Variants in CEP135 observed in about 807,000 individuals in gnomAD.
CEP135 encodes the protein centrosomal protein of 135 kDa.
A neutral mutation model predicts 157.3 loss-of-function variants in CEP135; 142 were observed. The observed-to-expected ratio is 0.90, with a 90% confidence interval of 0.79 to 1.04. The LOEUF (loss-of-function observed/expected upper bound fraction) is 1.04, where lower values mean the gene tolerates loss of function less well. Ranked by LOEUF, CEP135 falls within the 50% of genes least tolerant of loss-of-function variation. The pLI, the probability that CEP135 is intolerant of heterozygous loss-of-function variation, is 0.00. For synonymous variants in CEP135, 396 were observed against 439.8 expected (o/e 0.90, Z 1.25); for missense variants, 1,317 against 1,309.2 (o/e 1.01, Z -0.09).
chr4:56,019,922 G>A (rs1323240902), intron 23 of CEP135, among the ~76,000 whole-genome samples: 1 of 152,210 alleles, frequency 6.6e-6, no homozygotes, highest in Admixed American at 6.5e-5. Context: ...CTGGGCGACA[G>A]AGCGAGACGC....
At chr4:55,986,995 T>G (rs1447807289) in intron 14 of CEP135, among the ~76,000 whole-genome samples, 2 of 152,240 alleles carry the variant, frequency 1.3e-5, no homozygotes, top group Non-Finnish European at 2.9e-5. Context: ...TGCTAGATAG[T>G]TTGTATTACT....
chr4:55,969,446 AAAG>A lies in CEP135; in HGVS notation c.1110+321_1110+323del, dbSNP rs1419313651. ...CCATCTTTAAAAAAAAAAAAAAAAA[AAAG>A]AAAAGAAAATTTGTATGCTTTGTTT... On this transcript the variant is annotated intron_variant, in intron 9 of 25. Coordinates refer to ENST00000257287, the MANE Select transcript of CEP135 (RefSeq NM_025009.5). 3.3e-5 allele frequency among the ~76,000 whole-genome samples: 5 copies of A among 151,620 alleles called. No homozygotes were observed. The South Asian group carries it at 1.0e-3, about 31-fold the overall frequency.
chr4:56,017,113 A>T (rs1465937713), intron 21 of CEP135, among the ~76,000 whole-genome samples: 1 of 152,168 alleles, frequency 6.6e-6, no homozygotes, highest in Non-Finnish European at 1.5e-5. Flanking sequence ...AGAAAAAAAA[A>T]TTTATCATTA....
chr4:56,018,287 T>C (rs1180150504), intron 22 of CEP135, among the ~76,000 whole-genome samples: 1 of 152,148 alleles, frequency 6.6e-6, no homozygotes, highest in East Asian at 1.9e-4. Flanking sequence ...CCTACAATAG[T>C]TACTTTTGAC....
At chr4:55,985,740 A>G (rs1729559884) in intron 14 of CEP135, among the ~76,000 whole-genome samples, 1 of 152,148 alleles carries the variant, frequency 6.6e-6, no homozygotes, top group South Asian at 2.1e-4. Context: ...GGATTACAGC[A>G]TGAGCCACCA....
intron 15 of CEP135, among the ~76,000 whole-genome samples, chr4:55,993,654 C>T (rs1045985575): frequency 1.3e-5 from 2 of 152,174 alleles, no homozygotes; most frequent in East Asian, 3.8e-4. Flanking sequence ...TTGTCACTTT[C>T]GTGTCCAGCT....
Position 55,959,492 on chromosome 4 carries a change from C to CTG in CEP135, c.615-189_615-188insGT, listed in dbSNP as rs10639627. On this transcript the variant is annotated intron_variant, in intron 5 of 25. Transcript: ENST00000257287. ...AATTATTTACTACTCAGTTTTAAAT[C>CTG]TTGTTACAAACCAACTCTCCATGAT... 0.55 allele frequency among the ~76,000 whole-genome samples: 84,139 copies of CTG among 151,748 alleles called. 23,810 individuals are homozygous for CTG. The highest frequency in any genetic ancestry group is 0.67 in the African/African-American group (27,582 of 41,366).
At chr4:56,023,513 G>A (rs1731036306) in intron 24 of CEP135, among the ~76,000 whole-genome samples, 1 of 150,996 alleles carries the variant, frequency 6.6e-6, no homozygotes, top group South Asian at 2.1e-4. Context: ...GTCACCATTA[G>A]CCTTTTTGAG....
chr4:55,975,203 G>A (rs1433272020), intron 11 of CEP135, among the ~76,000 whole-genome samples: 7 of 152,202 alleles, frequency 4.6e-5, no homozygotes, highest in Admixed American at 3.9e-4. Context: ...GAATAGCTGA[G>A]TTGTAGAAGT....
chr4:56,003,342 A>G (rs1560417834), intron 17 of CEP135, among the ~76,000 whole-genome samples: 1 of 151,962 alleles, frequency 6.6e-6, no homozygotes, highest in Non-Finnish European at 1.5e-5. Flanking sequence ...AGTAGCTGGG[A>G]CTGTAGGTGC....
At chr4:55,978,930 G>C (rs1002879234) in intron 11 of CEP135, among the ~76,000 whole-genome samples, 5 of 152,138 alleles carry the variant, frequency 3.3e-5, no homozygotes, top group African/African-American at 1.2e-4. Context: ...ACACTAATCT[G>C]CTTTTGTACT....
intron 2 of CEP135, 120 bp from the exon 3 acceptor site, chr4:55,952,965 G>A (rs974815036): frequency 1.8e-5 from 15 of 855,374 alleles, no homozygotes; most frequent in African/African-American, 5.3e-5. Flanking sequence ...GTGGTCTGTC[G>A]TTGACCAAAA....
At position 55,952,990 on chromosome 4, in the gene CEP135, G is replaced by T. The variant is rs140114184; in HGVS notation, c.114-95G>T. 1.0e-5 allele frequency: 11 copies of T among 1,063,076 alleles called. No individual in the cohort carries two copies. In the African/African-American group the frequency reaches 1.5e-4, roughly 14 times the overall value. 65.9% of individuals were successfully genotyped at this position (1,063,076 alleles called of 1,614,324 possible). ...GTTGACCAAAATGTCATCATGTGGT[G>T]CATGACTGTATTTTAAGCCTCTTTA... On this transcript the variant is annotated intron_variant, in intron 2 of 25. Coordinates refer to ENST00000257287, the MANE Select transcript of CEP135 (RefSeq NM_025009.5).
chr4:55,984,616 A>G (rs1272865017), intron 13 of CEP135, among the ~76,000 whole-genome samples: 13 of 152,232 alleles, frequency 8.5e-5, no homozygotes. Flanking sequence ...TACATACAAT[A>G]CAGTGACCCT....
chr4:55,953,366 A>T, intron 3 of CEP135, 91 bp downstream of exon 3: 1 of 969,958 alleles, frequency 1.0e-6, no homozygotes, highest in Non-Finnish European at 1.5e-6. Context: ...AAAACTATTG[A>T]TTAGAAAATA....
At chr4:56,020,096 C>T (rs1254487769) in intron 23 of CEP135, among the ~76,000 whole-genome samples, 1 of 152,048 alleles carries the variant, frequency 6.6e-6, no homozygotes, top group Admixed American at 6.6e-5. Flanking sequence ...AAAGCGCCTA[C>T]AGTTGAGGAA....
chr4:55,963,625 A>G (rs1728751949), intron 6 of CEP135, among the ~76,000 whole-genome samples: 1 of 152,232 alleles, frequency 6.6e-6, no homozygotes, highest in South Asian at 2.1e-4. Flanking sequence ...ACATACCTGT[A>G]GTCCCAGCTA....
In CEP135 at chr4:56,009,414, G is replaced by A. The variant is rs960530289; in HGVS notation, c.2337-321G>A. 4.6e-5 allele frequency among the ~76,000 whole-genome samples: 7 copies of A among 152,004 alleles called. No individual in the cohort carries two copies. The East Asian group carries it at 1.2e-3, about 25-fold the overall frequency. ...CCTGACCTCATGATCTGCCCGCCTC[G>A]GCCTCCCAAAGTTCTGGGATTACAG... On this transcript the variant is annotated intron_variant, in intron 18 of 25. Coordinates refer to ENST00000257287, the MANE Select transcript of CEP135 (RefSeq NM_025009.5).
chr4:56,011,985 G>T lies in CEP135; in HGVS notation c.2802G>T (p.Glu934Asp). The change falls in exon 21 of 26, where the codon GAG becomes GAT. Residue 934 changes from glutamate to aspartate, a missense_variant and splice_region_variant. Glu to Asp is a conservative substitution (Grantham distance 45). Coordinates refer to ENST00000257287, the MANE Select transcript of CEP135 (RefSeq NM_025009.5). ...RVELLEKEIQEHINAHHAYES... is the reference protein window; with the variant it reads ...RVELLEKEIQDHINAHHAYES... Reference sequence around the variant, plus strand: ...AGCTATTAGAAAAAGAAATTCAAGAGGTAATATATTTATTTGTTTTGTAAA... The same window carrying T: ...AGCTATTAGAAAAAGAAATTCAAGATGTAATATATTTATTTGTTTTGTAAA... The T allele has an allele frequency of 6.7e-7, 1 of 1,491,598 alleles. No individual in the cohort carries two copies. The highest frequency in any genetic ancestry group is 9.0e-7 in the Non-Finnish European group (1 of 1,114,490). 92.4% of individuals were successfully genotyped at this position (1,491,598 alleles called of 1,614,324 possible). A position where few individuals can be genotyped will look rare whatever the true frequency, so the allele number is the denominator to read the frequency against.
Sources: gnomAD v4.1 joint callset for allele counts (sites outside exome capture counted in the v4.1 genomes callset) on GRCh38, gnomAD v4.1.1 for gene constraint, MANE v1.5 for transcripts, NCBI Gene and HGNC (gene_info 2026-07-23, HGNC 2026-07-21) for gene names.